Variants in RAB28 observed in about 807,000 individuals in gnomAD.
RAB28 encodes the protein RAB28, member RAS oncogene family.
A neutral mutation model predicts 31.7 loss-of-function variants in RAB28; 24 were observed. The ratio of observed to expected loss-of-function variants is 0.76; its 90% confidence interval spans 0.55 to 1.06. RAB28 has a LOEUF of 1.06. Ranked by LOEUF, RAB28 falls within the 50% of genes least tolerant of loss-of-function variation. The probability of loss-of-function intolerance (pLI) is 0.00; values close to 1 mark genes in which losing one functional copy is unlikely to be tolerated. For missense variants in RAB28, 254 were observed against 258.5 expected (o/e 0.98, Z 0.12); for synonymous variants, 100 against 90.4 (o/e 1.11, Z -0.60).
chr4:13,388,395 A>C (rs1290588460), intron 4 of RAB28, among the ~76,000 whole-genome samples: 1 of 152,064 alleles, frequency 6.6e-6, no homozygotes, highest in Non-Finnish European at 1.5e-5. Flanking sequence ...CCTTAACATA[A>C]AAACCAAAAA....
chr4:13,438,626 T>C (rs947468857), intron 4 of RAB28, among the ~76,000 whole-genome samples: 1 of 152,208 alleles, frequency 6.6e-6, no homozygotes, highest in African/African-American at 2.4e-5. Context: ...CTTTTTTGGC[T>C]GAATAATATT....
intron 4 of RAB28, among the ~76,000 whole-genome samples, chr4:13,382,958 C>T (rs931501163): frequency 1.3e-5 from 2 of 152,052 alleles, no homozygotes; most frequent in African/African-American, 4.8e-5. Context: ...CCTCGGCCTC[C>T]CAAAGTGCTA....
Position 13,371,763 on chromosome 4 carries a change from T to C in RAB28, c.574-3113A>G. ...TATTTAAAAGCCATTTATTGATGTT[T>C]TTAGAGAAAATGTTACCTATAAAAT... On this transcript the variant is annotated intron_variant, in intron 6 of 6. Transcript: ENST00000330852. The C allele has an allele frequency of 4.5e-6, 7 of 1,547,298 alleles. No individual in the cohort carries two copies. The South Asian group carries it at 8.3e-5, about 18-fold the overall frequency.
At chr4:13,442,263 A>G (rs768077745) in intron 4 of RAB28, among the ~76,000 whole-genome samples, 5 of 152,232 alleles carry the variant, frequency 3.3e-5, no homozygotes, top group Non-Finnish European at 7.3e-5. Flanking sequence ...GCTAAGTATG[A>G]AGGACACAGC....
intron 4 of RAB28, among the ~76,000 whole-genome samples, chr4:13,383,650 G>A (rs1355656567): frequency 6.6e-6 from 1 of 152,130 alleles, no homozygotes; most frequent in Non-Finnish European, 1.5e-5. Context: ...CACAGGTCAT[G>A]GGAGGGACCT....
At chr4:13,413,997 G>A (rs1712604693) in intron 4 of RAB28, among the ~76,000 whole-genome samples, 1 of 152,160 alleles carries the variant, frequency 6.6e-6, no homozygotes, top group Non-Finnish European at 1.5e-5. Flanking sequence ...ATATGACAAT[G>A]ACACATGGGT....
At chr4:13,372,382 T>C (rs867317815) in intron 6 of RAB28, among the ~76,000 whole-genome samples, 1 of 152,108 alleles carries the variant, frequency 6.6e-6, no homozygotes, top group African/African-American at 2.4e-5. Context: ...TGGGCTATTA[T>C]ATGCTGCCAG....
intron 3 of RAB28, among the ~76,000 whole-genome samples, chr4:13,464,074 A>G (rs1047043344): frequency 6.6e-6 from 1 of 152,144 alleles, no homozygotes; most frequent in Admixed American, 6.6e-5. Flanking sequence ...TACCTGGAGT[A>G]GCAGCCACTA....
At chr4:13,374,261 A>G (rs1368510350) in intron 6 of RAB28, among the ~76,000 whole-genome samples, 1 of 152,162 alleles carries the variant, frequency 6.6e-6, no homozygotes, top group Admixed American at 6.6e-5. Context: ...AAAGCATAAT[A>G]AACAAAGTAG....
intron 4 of RAB28, among the ~76,000 whole-genome samples, chr4:13,391,825 T>C (rs948531315): frequency 2.1e-4 from 32 of 151,856 alleles, no homozygotes; most frequent in African/African-American, 7.0e-4. Flanking sequence ...GAACACCGCA[T>C]GTTCTCACTC....
Position 13,367,736 on chromosome 4 carries a change from G to GTTTA in RAB28, c.*818_*821dup. The stretch of plus-strand genomic sequence containing the variant: ...TTGCCAAAAGAAGTAATTTAAATAA[G>GTTTA]TTTATTTGTGAAAGAAAAACATCTG... On this transcript the variant is annotated 3_prime_UTR_variant, in exon 7 of 7. Transcript: ENST00000330852. The GTTTA allele has an allele frequency of 1.0e-5, 10 of 982,512 alleles. No individual in the cohort carries two copies. The highest frequency in any genetic ancestry group is 1.2e-5 in the Non-Finnish European group (10 of 827,432). 60.9% of individuals were successfully genotyped at this position (982,512 alleles called of 1,614,324 possible).
chr4:13,449,525 G>A (rs994693613), intron 4 of RAB28, among the ~76,000 whole-genome samples: 9 of 151,820 alleles, frequency 5.9e-5, no homozygotes, highest in African/African-American at 1.9e-4. Flanking sequence ...ACATTAAAAC[G>A]TAACCTTTAA....
At chr4:13,482,440 G>A (rs534631986) in intron 1 of RAB28, among the ~76,000 whole-genome samples, 125 of 152,190 alleles carry the variant, frequency 8.2e-4, no homozygotes, top group Non-Finnish European at 1.6e-3. Context: ...ATTGTTATGA[G>A]TTGTCATTAT....
chr4:13,384,660 A>T (rs748878394), intron 4 of RAB28, among the ~76,000 whole-genome samples: 1 of 152,212 alleles, frequency 6.6e-6, no homozygotes, highest in Non-Finnish European at 1.5e-5. Context: ...AACCCACTTT[A>T]TACCACAATC....
chr4:13,395,929 A>G (rs1250372469), intron 4 of RAB28, among the ~76,000 whole-genome samples: 2 of 152,082 alleles, frequency 1.3e-5, no homozygotes, highest in African/African-American at 4.8e-5. Flanking sequence ...AGACTTTTTC[A>G]TTCAAACCAG....
At chr4:13,380,594 A>G (rs1729088927) in intron 5 of RAB28, among the ~76,000 whole-genome samples, 1 of 152,142 alleles carries the variant, frequency 6.6e-6, no homozygotes, top group African/African-American at 2.4e-5. Flanking sequence ...GGGCCTACCA[A>G]TTTGACAAAG....
chr4:13,385,440 A>C (rs1358060163), intron 4 of RAB28, among the ~76,000 whole-genome samples: 1 of 152,102 alleles, frequency 6.6e-6, no homozygotes, highest in African/African-American at 2.4e-5. Context: ...AAAATGTTAA[A>C]AGCAGCTAGA....
intron 4 of RAB28, chr4:13,459,847 C>A (rs2108959360): frequency 7.8e-7 from 1 of 1,287,224 alleles, no homozygotes; most frequent in East Asian, 5.6e-5. Context: ...ACCTCTGGGA[C>A]AGAGCTGAAA....
intron 4 of RAB28, among the ~76,000 whole-genome samples, chr4:13,403,188 T>C (rs544384688): frequency 6.6e-6 from 1 of 152,354 alleles, no homozygotes; most frequent in East Asian, 1.9e-4. Context: ...AGTGTGGCTC[T>C]ATTCCTATAA....
Sources: gnomAD v4.1 joint callset for allele counts (sites outside exome capture counted in the v4.1 genomes callset) on GRCh38, gnomAD v4.1.1 for gene constraint, MANE v1.5 for transcripts, NCBI Gene and HGNC (gene_info 2026-07-23, HGNC 2026-07-21) for gene names.